The following CACNG3 variants were observed in gnomAD, a reference collection of about 807,000 sequenced individuals.
CACNG3 encodes the protein calcium voltage-gated channel auxiliary subunit gamma 3.
A neutral mutation model predicts 28.5 loss-of-function variants in CACNG3; 3 were observed. The observed-to-expected ratio is 0.11, with a 90% CI of 0.05 to 0.27. The LOEUF (loss-of-function observed/expected upper bound fraction) is 0.27, where lower values mean the gene tolerates loss of function less well. Among genes scored for constraint, CACNG3 ranks in the 10% least tolerant of loss-of-function variants. The pLI is 1.00. For synonymous variants in CACNG3, 174 were observed against 162.2 expected, an observed-to-expected ratio of 1.07 and a Z score of -0.55; for missense variants, 236 against 414.4, an observed-to-expected ratio of 0.57 and a Z score of 3.74.
Position 24,361,812 on chromosome 16 carries a change from C to T in CACNG3, c.897C>T (p.Phe299=). The T allele has an allele frequency of 6.2e-7, 1 of 1,613,628 alleles. No homozygotes were observed. The highest frequency in any genetic ancestry group is 2.2e-5 in the East Asian group (1 of 44,876). ...TCCACAATTCCACACCCAAAGAGTT[C>T]AAAGAGTCACTGCATAATAATCCGG... ...LQFHNSTPKE[F]KESLHNNPAN... is the part of the protein sequence containing the mutation. Residue 299 remains phenylalanine, a synonymous_variant, in exon 4 of 4, where the codon TTC becomes TTT. Coordinates refer to ENST00000005284, the MANE Select transcript of CACNG3 (RefSeq NM_006539.4). This position sits in a 1 kb window ranked among gnomAD's most constrained non-coding sequence, Gnocchi z 6.8.
intron 1 of CACNG3, among the ~76,000 whole-genome samples, chr16:24,317,624 A>AAGAAAGAAAGACAGAC (rs1567217516): frequency 3.5e-5 from 2 of 56,668 alleles, no homozygotes; most frequent in African/African-American, 7.5e-5. Flanking sequence ...GAAAGAAAGA[A>AAGAAAGAAAGACAGAC]AGACAGACAG....
chr16:24,328,414 G>A (rs777926538), intron 1 of CACNG3, among the ~76,000 whole-genome samples: 48 of 148,990 alleles, frequency 3.2e-4, no homozygotes, highest in Admixed American at 8.1e-4. Context: ...CGTAGGCCAG[G>A]TTAAGGACTT....
chr16:24,290,512 G>T (rs1253016618), intron 1 of CACNG3, among the ~76,000 whole-genome samples: 1 of 152,244 alleles, frequency 6.6e-6, no homozygotes, highest in Non-Finnish European at 1.5e-5. Context: ...TGGCAAGCAG[G>T]CTCCAAGATG....
intron 1 of CACNG3, among the ~76,000 whole-genome samples, chr16:24,332,700 G>C (rs145241622): frequency 8.6e-5 from 13 of 152,036 alleles, no homozygotes; most frequent in African/African-American, 3.1e-4. Flanking sequence ...AAGGTTGCAC[G>C]GACAGGCAAG....
chr16:24,257,069 A>C (rs1040651046), intron 1 of CACNG3, 104 bp downstream of exon 1: 8 of 750,126 alleles, frequency 1.1e-5, no homozygotes, highest in Non-Finnish European at 1.6e-5. Flanking sequence ...GAGAAGTTCA[A>C]ATTATTGCTG....
chr16:24,278,384 A>G (rs1380312356), intron 1 of CACNG3, among the ~76,000 whole-genome samples: 2 of 152,176 alleles, frequency 1.3e-5, no homozygotes. Flanking sequence ...CTGGGAGGCT[A>G]AGACAGGTGG....
At chr16:24,289,634 T>A (rs545355058) in intron 1 of CACNG3, among the ~76,000 whole-genome samples, 11 of 152,306 alleles carry the variant, frequency 7.2e-5, no homozygotes, top group Admixed American at 2.0e-4. Context: ...CCTACAGGGT[T>A]CACTCTGAGA....
intron 1 of CACNG3, among the ~76,000 whole-genome samples, chr16:24,268,648 A>G (rs1898645508): frequency 1.3e-5 from 2 of 152,256 alleles, no homozygotes; most frequent in South Asian, 4.1e-4. Context: ...TGGAGATCAA[A>G]TGTAAATTTT....
chr16:24,358,591 G>A (rs1451463109), intron 3 of CACNG3, among the ~76,000 whole-genome samples: 1 of 152,180 alleles, frequency 6.6e-6, no homozygotes, highest in African/African-American at 2.4e-5. Flanking sequence ...TGGGCTGGGA[G>A]TTACGGCCAT....
intron 1 of CACNG3, among the ~76,000 whole-genome samples, chr16:24,279,587 G>A (rs1041627615): frequency 3.3e-5 from 5 of 152,164 alleles, no homozygotes; most frequent in African/African-American, 1.2e-4. Flanking sequence ...CTACAAGGGT[G>A]ACCCAGTTCG....
chr16:24,309,731 G>A (rs142753303), intron 1 of CACNG3, among the ~76,000 whole-genome samples: 5 of 152,146 alleles, frequency 3.3e-5, no homozygotes, highest in African/African-American at 7.2e-5. Flanking sequence ...GGCAGAGAGG[G>A]CCTCTCTGAA....
chr16:24,321,322 C>T (rs1032586304), intron 1 of CACNG3, among the ~76,000 whole-genome samples: 1 of 152,090 alleles, frequency 6.6e-6, no homozygotes, highest in Non-Finnish European at 1.5e-5. Context: ...TGGCATGTGC[C>T]TGTAATCCCA....
intron 1 of CACNG3, among the ~76,000 whole-genome samples, chr16:24,317,696 G>GAAAGAAAGAAAGAAAGAA (rs1567217734): frequency 3.7e-5 from 4 of 108,626 alleles, no homozygotes; most frequent in African/African-American, 1.6e-4. Context: ...AAGAAAGAAA[G>GAAAGAAAGAAAGAAAGAA]AAAGAAAGAA....
chr16:24,268,790 G>T (rs1271291343), intron 1 of CACNG3, among the ~76,000 whole-genome samples: 4 of 152,142 alleles, frequency 2.6e-5, no homozygotes, highest in Non-Finnish European at 5.9e-5. Context: ...TGGGGGGATG[G>T]CATCAGGTCC....
intron 1 of CACNG3, among the ~76,000 whole-genome samples, chr16:24,323,351 C>G (rs922666879): frequency 6.6e-6 from 1 of 152,038 alleles, no homozygotes; most frequent in African/African-American, 2.4e-5. Context: ...TAGACCCTAG[C>G]ATGGATGTAT....
intron 1 of CACNG3, among the ~76,000 whole-genome samples, chr16:24,269,544 C>A (rs1250097480): frequency 1.3e-5 from 2 of 151,802 alleles, no homozygotes. Context: ...TTCAGGAGTT[C>A]GAGACCAGCC....
chr16:24,319,803 C>A (rs1451819085), intron 1 of CACNG3, among the ~76,000 whole-genome samples: 1 of 152,130 alleles, frequency 6.6e-6, no homozygotes, highest in African/African-American at 2.4e-5. Flanking sequence ...GAGAGTCTCA[C>A]TCTGTTGCCC....
At chr16:24,331,054 GGTA>G (rs1899625254) in intron 1 of CACNG3, among the ~76,000 whole-genome samples, 1 of 151,976 alleles carries the variant, frequency 6.6e-6, no homozygotes, top group South Asian at 2.1e-4. Flanking sequence ...CTGCTTTGCT[GGTA>G]CCCCAAACAC....
At chr16:24,313,813 C>T (rs1472898364) in intron 1 of CACNG3, among the ~76,000 whole-genome samples, 3 of 151,606 alleles carry the variant, frequency 2.0e-5, no homozygotes, top group African/African-American at 7.3e-5. Context: ...GGTGTGATCT[C>T]GGCTCACTGC....
Sources: gnomAD v4.1 joint callset for allele counts (sites outside exome capture counted in the v4.1 genomes callset) on GRCh38, gnomAD v4.1.1 for gene constraint, Gnocchi (gnomAD v3.1) non-coding constraint, MANE v1.5 for transcripts, NCBI Gene and HGNC (gene_info 2026-07-23, HGNC 2026-07-21) for gene names.